The following ZBTB20 variants were observed in gnomAD, a reference collection of about 807,000 sequenced individuals.
ZBTB20 encodes zinc finger and BTB domain containing 20.
ZBTB20 carries 9 observed loss-of-function variants against 56.9 expected under a neutral mutation model. The observed-to-expected ratio is 0.16, with a 90% CI of 0.10 to 0.28. The LOEUF (loss-of-function observed/expected upper bound fraction) is 0.28, where lower values mean the gene tolerates loss of function less well. Among genes scored for constraint, ZBTB20 ranks in the 10% least tolerant of loss-of-function variants. The pLI is 1.00. For missense variants in ZBTB20, 655 were observed against 1,003.0 expected (o/e 0.65, Z 4.69); for synonymous variants, 417 against 420.7 (o/e 0.99, Z 0.11).
chr3:114,529,333 C>T (rs1398570984), intron 6 of ZBTB20: 1 of 152,184 alleles, frequency 6.6e-6, no homozygotes, highest in East Asian at 1.9e-4. Context: ...CCTCTGTCAA[C>T]CTGGGTCCCT....
intron 5 of ZBTB20, among the ~76,000 whole-genome samples, chr3:114,784,916 CTG>C (rs1370041035): frequency 1.3e-5 from 2 of 152,172 alleles, no homozygotes; most frequent in African/African-American, 4.8e-5. Flanking sequence ...GCAAAGCACA[CTG>C]TAATTATTTC....
chr3:114,698,196 C>A (rs76589186), intron 5 of ZBTB20, among the ~76,000 whole-genome samples: 1,612 of 152,162 alleles, frequency 0.011, 31 homozygotes, highest in African/African-American at 0.037. Flanking sequence ...TTTTACCCAT[C>A]TCCTTTAAAA....
chr3:114,452,971 A>C (rs7652228), intron 7 of ZBTB20, among the ~76,000 whole-genome samples: 29,025 of 152,170 alleles, frequency 0.19, 4,328 homozygotes, highest in African/African-American at 0.39. Flanking sequence ...GGAGAACTTT[A>C]AGAAAGAAAA....
chr3:114,525,447 T>C (rs1011336058), intron 6 of ZBTB20, among the ~76,000 whole-genome samples: 1 of 152,166 alleles, frequency 6.6e-6, no homozygotes, highest in African/African-American at 2.4e-5. Context: ...TCTATTCAGA[T>C]GATTTCATCA....
In ZBTB20 at chr3:114,612,265, T is replaced by C. The variant is rs149637767; in HGVS notation, c.-295+81263A>G. ...TAATGCAGATTCTTGTAGTACTCAC[T>C]ACCTTTCGTTATTGCTCATGTTGGT... On this transcript the variant is annotated intron_variant, in intron 6 of 11. Transcript: ENST00000675478. 1.5e-3 allele frequency among the ~76,000 whole-genome samples: 222 copies of C among 152,330 alleles called. 6 individuals carry two copies. In the East Asian group the frequency reaches 0.038, roughly 26 times the overall value.
In ZBTB20 at chr3:114,380,818, G is replaced by A; in HGVS notation, c.-31C>T. 1 of 1,497,636 alleles carries A rather than the reference G, an allele frequency of 6.7e-7. No homozygotes were observed. Among genetic ancestry groups the A allele is most frequent in the Non-Finnish European group, 8.8e-7 (1 of 1,132,118 alleles). The allele number at this position is 1,497,636 out of a possible 1,614,324, so 92.8% of individuals were successfully genotyped here. A position where few individuals can be genotyped will look rare whatever the true frequency, so the allele number is the denominator to read the frequency against. ...AGGAAGCTTAGAGACAGGACTCGTG[G>A]AGTAATGGGAGGAGCACTGGACTGG... On this transcript the variant is annotated 5_prime_UTR_variant, in exon 9 of 12. Coordinates refer to ENST00000675478, the MANE Select transcript of ZBTB20 (RefSeq NM_001348800.3).
At chr3:114,763,145 C>T (rs1358769894) in intron 5 of ZBTB20, among the ~76,000 whole-genome samples, 2 of 152,064 alleles carry the variant, frequency 1.3e-5, no homozygotes, top group East Asian at 1.9e-4. Context: ...TTAGAACTCA[C>T]GTATTTTAAA....
chr3:114,999,844 T>G (rs889770144), intron 2 of ZBTB20, among the ~76,000 whole-genome samples: 1 of 151,738 alleles, frequency 6.6e-6, no homozygotes, highest in African/African-American at 2.4e-5. Flanking sequence ...TCAAAAGGTA[T>G]GTTAGCAACA....
At chr3:115,120,747 T>G (rs1036668282) in intron 1 of ZBTB20, among the ~76,000 whole-genome samples, 7 of 152,060 alleles carry the variant, frequency 4.6e-5, no homozygotes, top group African/African-American at 1.7e-4. Flanking sequence ...AACTAGAAAC[T>G]CATGCCTCTC....
chr3:114,802,195 T>C (rs978602028), intron 4 of ZBTB20, among the ~76,000 whole-genome samples: 9 of 152,006 alleles, frequency 5.9e-5, no homozygotes, highest in African/African-American at 1.7e-4. Context: ...GGCAGAATAC[T>C]TTCTATATAT....
intron 6 of ZBTB20, among the ~76,000 whole-genome samples, chr3:114,680,778 C>T (rs2061924843): frequency 6.6e-6 from 1 of 152,140 alleles, no homozygotes; most frequent in Admixed American, 6.6e-5. Flanking sequence ...GTGGGGCCAT[C>T]TGCAGGGTAC....
At position 114,336,642 on chromosome 3, in the gene ZBTB20, C is replaced by A. The variant is rs1219334512; in HGVS notation, c.*2363G>T. On this transcript the variant is annotated 3_prime_UTR_variant, in exon 12 of 12. Transcript: ENST00000675478. ...AACTTATGAAAAAGATCCAAGTTAACCAAATGTCTAAAATATATGAATAAA... is the reference window on the plus strand; with the variant it reads ...AACTTATGAAAAAGATCCAAGTTAAACAAATGTCTAAAATATATGAATAAA... The A allele has an allele frequency of 6.6e-6, 1 of 152,084 alleles. No homozygotes were observed. Among genetic ancestry groups the A allele is most frequent in the Non-Finnish European group, 1.5e-5 (1 of 68,012 alleles). The allele number at this position is 152,084 out of a possible 1,614,324, so 9.4% of individuals were successfully genotyped here. A position where few individuals can be genotyped will look rare whatever the true frequency, so the allele number is the denominator to read the frequency against.
Position 114,324,985 on chromosome 3 carries a change from A to G in ZBTB20, c.*14020T>C, listed in dbSNP as rs976528703. The G allele has an allele frequency of 1.3e-5, 2 of 152,154 alleles. No individual in the cohort carries two copies. The highest frequency in any genetic ancestry group is 4.8e-5 in the African/African-American group (2 of 41,426). 9.4% of individuals were successfully genotyped at this position (152,154 alleles called of 1,614,324 possible). The stretch of plus-strand genomic sequence containing the variant: ...AGGAATTAAGCATAGTGGGGTCAGC[A>G]CACTCAAATTACCTTAAAATATCAA... On this transcript the variant is annotated 3_prime_UTR_variant, in exon 12 of 12. Coordinates refer to ENST00000675478, the MANE Select transcript of ZBTB20 (RefSeq NM_001348800.3).
intron 7 of ZBTB20, among the ~76,000 whole-genome samples, chr3:114,430,287 A>G (rs2090023021): frequency 6.6e-6 from 1 of 152,196 alleles, no homozygotes; most frequent in Non-Finnish European, 1.5e-5. Flanking sequence ...AACATCTCCC[A>G]GAGCAGAGAT....
At chr3:114,443,479 T>C (rs1486443472) in intron 7 of ZBTB20, among the ~76,000 whole-genome samples, 1 of 152,180 alleles carries the variant, frequency 6.6e-6, no homozygotes, top group Non-Finnish European at 1.5e-5. Context: ...TGTATGTGGG[T>C]CAGGCACTGG....
chr3:115,032,474 T>C (rs1185720945), intron 2 of ZBTB20, among the ~76,000 whole-genome samples: 1 of 150,840 alleles, frequency 6.6e-6, no homozygotes, highest in Non-Finnish European at 1.5e-5. Context: ...GAAATGGGGG[T>C]TTGTGAGGTA....
chr3:114,466,717 A>G (rs1409469607), intron 7 of ZBTB20, among the ~76,000 whole-genome samples: 2 of 152,316 alleles, frequency 1.3e-5, no homozygotes, highest in East Asian at 1.9e-4. Flanking sequence ...CATAAATCCA[A>G]TTTAATTCAG....
At chr3:114,949,998 G>A (rs1452904011) in intron 3 of ZBTB20, among the ~76,000 whole-genome samples, 2 of 152,038 alleles carry the variant, frequency 1.3e-5, no homozygotes, top group Admixed American at 1.3e-4. Context: ...ATGAAAAGAC[G>A]CTTAATTTCA....
intron 10 of ZBTB20, chr3:114,366,564 T>C (rs2082422172): frequency 6.6e-6 from 1 of 152,256 alleles, no homozygotes; most frequent in Non-Finnish European, 1.5e-5. Flanking sequence ...AGTAAGTTAT[T>C]ATTTTAAAGC....
Sources: gnomAD v4.1 joint callset for allele counts (sites outside exome capture counted in the v4.1 genomes callset) on GRCh38, gnomAD v4.1.1 for gene constraint, MANE v1.5 for transcripts, NCBI Gene and HGNC (gene_info 2026-07-23, HGNC 2026-07-21) for gene names.